NDST3: variants seen among roughly 807,000 people sequenced by gnomAD.
NDST3 encodes the protein N-deacetylase and N-sulfotransferase 3, also known as bifunctional heparan sulfate N-deacetylase/N-sulfotransferase 3.
In NDST3, 58 loss-of-function variants were observed where a neutral mutation model predicts 96.1. The observed-to-expected ratio is 0.60, with a 90% confidence interval of 0.49 to 0.75. The LOEUF (loss-of-function observed/expected upper bound fraction) is 0.75. Among genes scored for constraint, NDST3 ranks in the 30% least tolerant of loss-of-function variants. The pLI, the probability that NDST3 is intolerant of heterozygous loss-of-function variation, is 0.00. For synonymous variants in NDST3, 333 were observed against 359.7 expected, an observed-to-expected ratio of 0.93 and a Z score of 0.84; for missense variants, 788 against 1,034.2, an observed-to-expected ratio of 0.76 and a Z score of 3.27.
intron 2 of NDST3, among the ~76,000 whole-genome samples, chr4:118,099,055 G>A (rs1729566913): frequency 6.6e-6 from 1 of 152,016 alleles, no homozygotes; most frequent in African/African-American, 2.4e-5. Flanking sequence ...TATTAGGAAA[G>A]GATTTAAGAC....
In NDST3 at chr4:118,245,245, T is replaced by C. The variant is rs566790627; in HGVS notation, c.2399+3096T>C. ...TCAATGCCAATGACAGATGTCTTCA[T>C]GTTTAGAAATACTAGTTAGCTAAAT... On this transcript the variant is annotated intron_variant, in intron 12 of 13. Coordinates refer to ENST00000296499, the MANE Select transcript of NDST3 (RefSeq NM_004784.3). 1.6e-4 allele frequency among the ~76,000 whole-genome samples: 24 copies of C among 152,370 alleles called. No homozygotes were observed. The South Asian group carries it at 2.5e-3, about 16-fold the overall frequency.
chr4:118,132,989 G>T (rs549719006), intron 4 of NDST3, among the ~76,000 whole-genome samples: 1 of 152,294 alleles, frequency 6.6e-6, no homozygotes, highest in East Asian at 1.9e-4. Context: ...CAGAAGGAAG[G>T]ACGCACTTTC....
chr4:118,084,361 A>T (rs573611713), intron 2 of NDST3, among the ~76,000 whole-genome samples: 14 of 152,292 alleles, frequency 9.2e-5, no homozygotes, highest in Non-Finnish European at 2.1e-4. Context: ...ATTGATTTTT[A>T]AAAAAATAGT....
chr4:118,108,340 A>G (rs532623726), intron 3 of NDST3, among the ~76,000 whole-genome samples: 46 of 152,334 alleles, frequency 3.0e-4, no homozygotes, highest in African/African-American at 1.1e-3. Context: ...ATTTTATAAC[A>G]TATATGTGTG....
intron 6 of NDST3, chr4:118,193,369 G>A (rs1212982836): frequency 1.4e-5 from 7 of 516,424 alleles, no homozygotes; most frequent in East Asian, 1.1e-4. Flanking sequence ...GAGACGGGGG[G>A]CAGGCAGCCA....
At chr4:118,081,595 G>C (rs1019278561) in intron 2 of NDST3, among the ~76,000 whole-genome samples, 1 of 152,124 alleles carries the variant, frequency 6.6e-6, no homozygotes, top group Non-Finnish European at 1.5e-5. Context: ...AACAGACTTA[G>C]CAGCATCCAG....
At chr4:118,058,886 C>G (rs534369170) in intron 2 of NDST3, among the ~76,000 whole-genome samples, 82 of 152,218 alleles carry the variant, frequency 5.4e-4, no homozygotes, top group African/African-American at 1.9e-3. Context: ...GGCGCATTAA[C>G]TCACTCTTGT....
chr4:118,194,744 A>C, intron 6 of NDST3: 1 of 489,594 alleles, frequency 2.0e-6, no homozygotes, highest in African/African-American at 2.0e-5. Flanking sequence ...CATCTCCTCA[A>C]CTGTCATCTC....
intron 6 of NDST3, among the ~76,000 whole-genome samples, chr4:118,208,300 C>A (rs17626479): frequency 0.073 from 10,516 of 143,716 alleles, 1,814 homozygotes; most frequent in Non-Finnish European, 0.11. Flanking sequence ...CTGAAACAGC[C>A]CTCCAGATGC....
chr4:118,060,692 T>A (rs901843165), intron 2 of NDST3, among the ~76,000 whole-genome samples: 7 of 152,160 alleles, frequency 4.6e-5, no homozygotes, highest in Admixed American at 1.3e-4. Flanking sequence ...CTTTTTTCTA[T>A]CCATTCCTGG....
intron 6 of NDST3, among the ~76,000 whole-genome samples, chr4:118,165,098 T>G (rs1377228637): frequency 2.6e-5 from 4 of 152,132 alleles, no homozygotes; most frequent in Non-Finnish European, 5.9e-5. Context: ...ACATTACATG[T>G]AAATAAATTA....
At chr4:118,175,126 T>C (rs1403787098) in intron 6 of NDST3, among the ~76,000 whole-genome samples, 1 of 152,128 alleles carries the variant, frequency 6.6e-6, no homozygotes, top group East Asian at 1.9e-4. Context: ...AATTCAATGC[T>C]CCAGTGTTTA....
At chr4:118,104,609 T>C (rs6847359) in intron 2 of NDST3, among the ~76,000 whole-genome samples, 33,393 of 152,042 alleles carry the variant, frequency 0.22, 4,595 homozygotes, top group East Asian at 0.51. Context: ...GTCTGAGAAA[T>C]AATCTGTTTC....
intron 2 of NDST3, among the ~76,000 whole-genome samples, chr4:118,067,305 A>G (rs1037178118): frequency 6.6e-6 from 1 of 152,080 alleles, no homozygotes; most frequent in Non-Finnish European, 1.5e-5. Flanking sequence ...GTTAATATTC[A>G]AAGGATCTCG....
Position 118,224,629 on chromosome 4 carries a change from A to T in NDST3, c.1678A>T (p.Lys560Ter). 1 of 1,610,702 alleles carries T rather than the reference A, an allele frequency of 6.2e-7. No homozygotes were observed. Among genetic ancestry groups the T allele is most frequent in the African/African-American group, 1.3e-5 (1 of 74,986 alleles). Residue 560 changes from lysine to a stop codon, truncating the protein, a stop_gained, in exon 7 of 14, where the codon AAG becomes TAG. Coordinates refer to ENST00000296499, the MANE Select transcript of NDST3 (RefSeq NM_004784.3). LOFTEE classifies it high-confidence loss of function. ...TCTGCCTCCAGTACAACTGGCCCAC[A>T]AGTATTTTGAGCTGTTTCCTGATCA... is the stretch of plus-strand genomic sequence containing the variant. ...QTLPPVQLAH[K>*]YFELFPDQKD...
chr4:118,178,073 G>GA (rs1276419181), intron 6 of NDST3, among the ~76,000 whole-genome samples: 11 of 144,852 alleles, frequency 7.6e-5, no homozygotes, highest in South Asian at 4.4e-4. Flanking sequence ...GGACCCACAG[G>GA]AAAAAAAAAA....
intron 1 of NDST3, among the ~76,000 whole-genome samples, chr4:118,042,066 T>C (rs985455009): frequency 6.6e-6 from 1 of 152,224 alleles, no homozygotes; most frequent in African/African-American, 2.4e-5. Context: ...CCAAAGATTT[T>C]CTTGACATTT....
chr4:118,053,830 G>T lies in NDST3; in HGVS notation c.-81G>T. On this transcript the variant is annotated 5_prime_UTR_variant, in exon 2 of 14. Transcript: ENST00000296499. ...GTGACATAAACTCTTGACAGAGATTGGAAAAGTAGCTGGAACACCATCTTT... is the reference window on the plus strand; with the variant it reads ...GTGACATAAACTCTTGACAGAGATTTGAAAAGTAGCTGGAACACCATCTTT... 6.9e-7 allele frequency: 1 copy of T among 1,454,148 alleles called. No homozygotes were observed. 90.1% of individuals were successfully genotyped at this position (1,454,148 alleles called of 1,614,324 possible). A position where few individuals can be genotyped will look rare whatever the true frequency, so the allele number is the denominator to read the frequency against.
intron 9 of NDST3, among the ~76,000 whole-genome samples, chr4:118,236,363 T>C (rs941396396): frequency 1.3e-5 from 2 of 152,228 alleles, no homozygotes; most frequent in Non-Finnish European, 1.5e-5. Context: ...CTGCTGGTAA[T>C]TTGAATTCTC....
Sources: allele counts gnomAD v4.1 joint callset (sites outside exome capture counted in the v4.1 genomes callset), GRCh38; gene constraint gnomAD v4.1.1; transcripts MANE v1.5; gene names NCBI Gene and HGNC (gene_info 2026-07-23, HGNC 2026-07-21).